Variants in CPS1 observed in about 807,000 individuals in gnomAD.
CPS1 encodes the protein carbamoyl-phosphate synthase [ammonia], mitochondrial.
Under a neutral mutation model 174.6 loss-of-function variants are expected in CPS1, and 109 were observed. The observed-to-expected ratio is 0.62, with a 90% CI of 0.53 to 0.73. The LOEUF is 0.73. Ranked by LOEUF, CPS1 falls within the 30% of genes least tolerant of loss-of-function variation. The probability of loss-of-function intolerance (pLI) is 0.00; values close to 1 mark genes in which losing one functional copy is unlikely to be tolerated. For synonymous variants in CPS1, 637 were observed against 632.0 expected (o/e 1.01, Z -0.12); for missense variants, 1,689 against 1,821.9 (o/e 0.93, Z 1.33).
chr2:210,514,785 C>T (rs370818594), intron 1 of CPS1, among the ~76,000 whole-genome samples: 16 of 140,832 alleles, frequency 1.1e-4, no homozygotes, highest in Admixed American at 3.5e-4. Context: ...GGGAATGCTT[C>T]TTTTTTTTTT....
At chr2:210,599,855 T>C (rs1698648480) in intron 14 of CPS1, among the ~76,000 whole-genome samples, 1 of 151,992 alleles carries the variant, frequency 6.6e-6, no homozygotes, top group African/African-American at 2.4e-5. Context: ...TCTGTTGCTA[T>C]TGAGGTCTTG....
At chr2:210,539,485 C>T (rs189826522) in intron 1 of CPS1, among the ~76,000 whole-genome samples, 73 of 152,236 alleles carry the variant, frequency 4.8e-4, no homozygotes, top group African/African-American at 1.7e-3. Flanking sequence ...TAAGTTTTGT[C>T]TTGAGTCCAG....
chr2:210,575,443 T>C (rs753184431), intron 2 of CPS1, among the ~76,000 whole-genome samples: 4 of 151,388 alleles, frequency 2.6e-5, no homozygotes, highest in Non-Finnish European at 5.9e-5. Context: ...CTGGTATTCA[T>C]GGGAATAACG....
chr2:210,623,383 A>T (rs1233823792), intron 21 of CPS1, among the ~76,000 whole-genome samples: 5 of 152,094 alleles, frequency 3.3e-5, no homozygotes, highest in Admixed American at 6.6e-5. Flanking sequence ...TTTACAAATT[A>T]TCCAGATATT....
intron 21 of CPS1, among the ~76,000 whole-genome samples, chr2:210,622,192 G>A (rs962528923): frequency 4.6e-5 from 7 of 151,258 alleles, no homozygotes; most frequent in Non-Finnish European, 7.4e-5. Flanking sequence ...TGTGGATGAA[G>A]CTTAGAAAGA....
At chr2:210,604,692 C>T (rs1213774585) in intron 16 of CPS1, among the ~76,000 whole-genome samples, 2 of 151,816 alleles carry the variant, frequency 1.3e-5, no homozygotes, top group Non-Finnish European at 2.9e-5. Flanking sequence ...TACAAAGCAC[C>T]CTCAGCTATT....
intron 1 of CPS1, among the ~76,000 whole-genome samples, chr2:210,510,131 A>G (rs1050161206): frequency 1.3e-5 from 2 of 152,332 alleles, no homozygotes; most frequent in South Asian, 2.1e-4. Context: ...AAACTATACT[A>G]CAAGGCAACA....
At chr2:210,593,472 G>A in intron 11 of CPS1, 1 of 993,374 alleles carries the variant, frequency 1.0e-6, no homozygotes, top group Non-Finnish European at 1.2e-6. Context: ...GAACCACAAG[G>A]AATGCTTAGA....
intron 1 of CPS1, among the ~76,000 whole-genome samples, chr2:210,532,697 T>C (rs1696147782): frequency 6.6e-6 from 1 of 152,116 alleles, no homozygotes; most frequent in Non-Finnish European, 1.5e-5. Flanking sequence ...AAAACATTGG[T>C]TTAGAAAATA....
Position 210,493,270 on chromosome 2 carries a change from G to C in CPS1, c.3+15504G>C, listed in dbSNP as rs1434756084. On this transcript the variant is annotated intron_variant, in intron 1 of 38. Coordinates refer to the CPS1 transcript ENST00000430249. Reference sequence around the variant, plus strand: ...TCTCTTAGATAATGTTCAAATACTGGTTACAAATAGGAGAATAAATGATGA... The same window carrying C: ...TCTCTTAGATAATGTTCAAATACTGCTTACAAATAGGAGAATAAATGATGA... Among the ~76,000 whole-genome samples, 8 of 152,106 alleles carry C rather than the reference G, an allele frequency of 5.3e-5. No homozygotes were observed. The East Asian group carries it at 1.3e-3, about 26-fold the overall frequency.
chr2:210,544,345 G>C (rs1244337028), intron 1 of CPS1, among the ~76,000 whole-genome samples: 1 of 152,022 alleles, frequency 6.6e-6, no homozygotes, highest in Non-Finnish European at 1.5e-5. Context: ...AGCTCTTCTT[G>C]ATGATTAATC....
chr2:210,673,942 G>A (rs1416539278), intron 34 of CPS1: 4 of 152,074 alleles, frequency 2.6e-5, no homozygotes, highest in Non-Finnish European at 4.4e-5. Flanking sequence ...TTTGAGTGAA[G>A]AAATGAAGGC....
chr2:210,591,791 CTT>C (rs1383667757), intron 9 of CPS1, 38 bp from the exon 10 acceptor site: 5 of 1,602,552 alleles, frequency 3.1e-6, no homozygotes, highest in Non-Finnish European at 4.3e-6. Context: ...ATTCTCTTCA[CTT>C]TTCCTTTTCC....
intron 16 of CPS1, 34 bp downstream of exon 16, chr2:210,602,364 C>CA (rs750986396): frequency 9.3e-6 from 15 of 1,610,922 alleles, no homozygotes; most frequent in Admixed American, 1.7e-5. Flanking sequence ...TCTTACCAAC[C>CA]AAAAAAACTG....
At position 210,594,555 on chromosome 2, in the gene CPS1, C is replaced by T. The variant is rs1353827336; in HGVS notation, c.1212C>T (p.Thr404=). 1.2e-6 allele frequency: 2 copies of T among 1,611,244 alleles called. No individual in the cohort carries two copies. Among genetic ancestry groups the T allele is most frequent in the Non-Finnish European group, 8.5e-7 (1 of 1,178,298 alleles). ...FFSLIKKGKA[T]TITSVLPKPA... ...CACTGATAAAGAAAGGAAAAGCTACCACCATTACATCAGTCTTACCGAAGC... is the reference window on the plus strand; with the variant it reads ...CACTGATAAAGAAAGGAAAAGCTACTACCATTACATCAGTCTTACCGAAGC... The change falls in exon 12 of 38, where the codon ACC becomes ACT. Residue 404 remains threonine, a synonymous_variant. Coordinates refer to ENST00000233072, the MANE Select transcript of CPS1 (RefSeq NM_001875.5).
At chr2:210,607,017 A>G in intron 18 of CPS1, 76 bp downstream of exon 18, 1 of 1,302,046 alleles carries the variant, frequency 7.7e-7, no homozygotes, top group East Asian at 2.4e-5. Flanking sequence ...ATAGTGGAAG[A>G]CTGTACTGCA....
At chr2:210,599,944 A>G (rs1177046424) in intron 14 of CPS1, among the ~76,000 whole-genome samples, 2 of 151,910 alleles carry the variant, frequency 1.3e-5, no homozygotes, top group East Asian at 3.9e-4. Flanking sequence ...ATTTCCTCTC[A>G]AACACATTTT....
chr2:210,542,830 A>G (rs1696468373), intron 1 of CPS1, among the ~76,000 whole-genome samples: 1 of 152,096 alleles, frequency 6.6e-6, no homozygotes, highest in Non-Finnish European at 1.5e-5. Context: ...CTATTTTTTA[A>G]CATCCTAGTC....
chr2:210,616,316 C>T (rs1018186136), intron 20 of CPS1, 107 bp from the exon 21 acceptor site: 3 of 785,010 alleles, frequency 3.8e-6, no homozygotes, highest in Admixed American at 1.7e-5. Flanking sequence ...TCTACAGTCT[C>T]GGGCTCTCTA....
Sources: gnomAD v4.1 joint callset for allele counts (sites outside exome capture counted in the v4.1 genomes callset) on GRCh38, gnomAD v4.1.1 for gene constraint, MANE v1.5 for transcripts, NCBI Gene and HGNC (gene_info 2026-07-23, HGNC 2026-07-21) for gene names.